Variants in TTC23 observed in about 807,000 individuals in gnomAD.
TTC23 encodes the protein tetratricopeptide repeat domain 23.
TTC23 carries 58 observed loss-of-function variants against 55.1 expected under a neutral mutation model. That is an observed-to-expected ratio of 1.05 (90% CI 0.85 to 1.31). The LOEUF is 1.31. Ranked by LOEUF, TTC23 falls within the 50% of genes most tolerant of loss-of-function variation. The probability of loss-of-function intolerance (pLI) is 0.00; values close to 1 mark genes in which losing one functional copy is unlikely to be tolerated. For synonymous variants in TTC23, 203 were observed against 199.9 expected (o/e 1.02, Z -0.13); for missense variants, 516 against 534.4 (o/e 0.97, Z 0.34).
At chr15:99,155,374 A>G (rs1555498671) in intron 12 of TTC23, 1 of 152,246 alleles carries the variant, frequency 6.6e-6, no homozygotes, top group African/African-American at 2.4e-5. Flanking sequence ...CAATTCTCAC[A>G]AGATTTATTT....
intron 9 of TTC23, among the ~76,000 whole-genome samples, chr15:99,195,992 A>G (rs2075671241): frequency 1.3e-5 from 2 of 152,016 alleles, no homozygotes; most frequent in Non-Finnish European, 2.9e-5. Context: ...TGTCTCTACT[A>G]AAAATACAAA....
At chr15:99,147,813 G>A (rs2602023) in intron 12 of TTC23, among the ~76,000 whole-genome samples, 3,361 of 152,240 alleles carry the variant, frequency 0.022, 118 homozygotes, top group African/African-American at 0.077. Flanking sequence ...AAACAATGTG[G>A]CGTGGCGTGG....
chr15:99,144,448 A>G (rs1555492001), intron 12 of TTC23: 1 of 152,216 alleles, frequency 6.6e-6, no homozygotes, highest in African/African-American at 2.4e-5. Context: ...GCTGTTACTC[A>G]GGGCCATTTT....
chr15:99,224,928 C>A (rs1473072143), intron 5 of TTC23, among the ~76,000 whole-genome samples: 2 of 152,138 alleles, frequency 1.3e-5, no homozygotes, highest in Non-Finnish European at 2.9e-5. Context: ...TGGGAATCAC[C>A]TTTTTATTGC....
chr15:99,182,654 T>G, intron 9 of TTC23, among the ~76,000 whole-genome samples: 1 of 152,166 alleles, frequency 6.6e-6, no homozygotes, highest in East Asian at 1.9e-4. Context: ...TGTCTCCTAA[T>G]GTATACTCAT....
chr15:99,209,359 A>G (rs2076862374), intron 8 of TTC23, among the ~76,000 whole-genome samples: 1 of 152,222 alleles, frequency 6.6e-6, no homozygotes, highest in Non-Finnish European at 1.5e-5. Flanking sequence ...CAACATGAGA[A>G]AAGAATTACA....
intron 9 of TTC23, among the ~76,000 whole-genome samples, chr15:99,185,751 G>T (rs1284958494): frequency 6.6e-6 from 1 of 152,136 alleles, no homozygotes; most frequent in African/African-American, 2.4e-5. Context: ...ACATTTGCAT[G>T]GTTTTCTTCC....
At chr15:99,141,584 TG>T (rs1201874112) in intron 12 of TTC23, among the ~76,000 whole-genome samples, 1 of 152,204 alleles carries the variant, frequency 6.6e-6, no homozygotes, top group African/African-American at 2.4e-5. Flanking sequence ...TCGGATGAAT[TG>T]TGCTACATAA....
At chr15:99,172,666 G>A (rs1026343953) in intron 10 of TTC23, among the ~76,000 whole-genome samples, 8 of 152,310 alleles carry the variant, frequency 5.3e-5, no homozygotes, top group Admixed American at 1.3e-4. Flanking sequence ...GGGGATAAAT[G>A]TACCTATCTC....
chr15:99,162,995 ACTG>A, intron 10 of TTC23, among the ~76,000 whole-genome samples: 1 of 152,064 alleles, frequency 6.6e-6, no homozygotes, highest in Non-Finnish European at 1.5e-5. Context: ...AAGTGGGAGG[ACTG>A]TTTGAGCCCA....
At chr15:99,150,250 T>C (rs1413829857) in intron 12 of TTC23, among the ~76,000 whole-genome samples, 5 of 152,214 alleles carry the variant, frequency 3.3e-5, no homozygotes, top group Admixed American at 6.5e-5. Flanking sequence ...CAAAGAAAAC[T>C]GAGTCCTCTT....
chr15:99,237,718 T>C (rs2079437542), intron 3 of TTC23, among the ~76,000 whole-genome samples: 1 of 152,120 alleles, frequency 6.6e-6, no homozygotes. Context: ...ACAAGGGGCA[T>C]GAGGAAACTT....
intron 9 of TTC23, among the ~76,000 whole-genome samples, chr15:99,181,763 T>C (rs544826729): frequency 1.3e-5 from 2 of 152,236 alleles, no homozygotes; most frequent in Admixed American, 1.3e-4. Flanking sequence ...GAACCTTGGC[T>C]AAGAAAAAGA....
chr15:99,183,687 A>G (rs1339123347), intron 9 of TTC23, among the ~76,000 whole-genome samples: 2 of 152,090 alleles, frequency 1.3e-5, no homozygotes, highest in East Asian at 3.9e-4. Flanking sequence ...GTGACAGAGC[A>G]TAAAAGTTTG....
intron 8 of TTC23, among the ~76,000 whole-genome samples, chr15:99,201,116 T>C (rs942387389): frequency 3.9e-5 from 6 of 152,218 alleles, no homozygotes; most frequent in Admixed American, 3.9e-4. Flanking sequence ...CATTTCATGT[T>C]TGTGCTTTTC....
intron 10 of TTC23, among the ~76,000 whole-genome samples, chr15:99,168,201 CA>C (rs2072410366): frequency 6.6e-6 from 1 of 152,202 alleles, no homozygotes; most frequent in Non-Finnish European, 1.5e-5. Flanking sequence ...CTGTGTGATA[CA>C]AGGAAGTCCG....
intron 10 of TTC23, among the ~76,000 whole-genome samples, chr15:99,165,880 C>T (rs1373638261): frequency 6.6e-6 from 1 of 152,156 alleles, no homozygotes; most frequent in African/African-American, 2.4e-5. Context: ...ACATTCATGT[C>T]TAAAATGAAT....
intron 12 of TTC23, chr15:99,155,938 A>G: frequency 1.7e-6 from 1 of 594,364 alleles, no homozygotes; most frequent in East Asian, 2.8e-5. Flanking sequence ...AAAAACTGAT[A>G]ATTCATTTAA....
At chr15:99,233,476 AT>A (rs1211995084) in intron 4 of TTC23, among the ~76,000 whole-genome samples, 10 of 152,182 alleles carry the variant, frequency 6.6e-5, no homozygotes, top group Non-Finnish European at 1.5e-4. Flanking sequence ...CAAAATATTA[AT>A]AAAAAAGAAA....
Sources: gnomAD v4.1 joint callset for allele counts (sites outside exome capture counted in the v4.1 genomes callset) on GRCh38, gnomAD v4.1.1 for gene constraint, MANE v1.5 for transcripts, NCBI Gene and HGNC (gene_info 2026-07-23, HGNC 2026-07-21) for gene names.